The following SAE1 variants were observed in gnomAD, a reference collection of about 807,000 sequenced individuals.
SAE1 encodes the protein SUMO-activating enzyme subunit 1.
A neutral mutation model predicts 40.6 loss-of-function variants in SAE1; 11 were observed. The observed-to-expected ratio is 0.27, with a 90% CI of 0.17 to 0.45. The LOEUF (loss-of-function observed/expected upper bound fraction) is 0.45, where lower values mean the gene tolerates loss of function less well. SAE1 is among the 20% of genes least tolerant of loss of function. SAE1 has a pLI of 1.00. For synonymous variants in SAE1, 155 were observed against 154.3 expected (o/e 1.00, Z -0.03); for missense variants, 373 against 427.3 (o/e 0.87, Z 1.12).
chr19:47,171,692 G>GACCTCAGGTGATCTGCCC (rs1453110669), intron 6 of SAE1, among the ~76,000 whole-genome samples: 1 of 151,534 alleles, frequency 6.6e-6, no homozygotes, highest in African/African-American at 2.4e-5. Context: ...TCGAACTCCT[G>GACCTCAGGTGATCTGCCC]ACCTCAGGTG....
At chr19:47,182,499 GCGCA>G (rs1300606747) in intron 6 of SAE1, among the ~76,000 whole-genome samples, 35 of 148,278 alleles carry the variant, frequency 2.4e-4, no homozygotes, top group African/African-American at 9.1e-4. Flanking sequence ...GTGTGTGTGC[GCGCA>G]CGCACGCGCG....
At chr19:47,194,412 T>A (rs1315762473) in intron 6 of SAE1, among the ~76,000 whole-genome samples, 1 of 152,224 alleles carries the variant, frequency 6.6e-6, no homozygotes, top group Non-Finnish European at 1.5e-5. Context: ...ACCCTTGTCC[T>A]GGTAGAGAGT....
intron 5 of SAE1, among the ~76,000 whole-genome samples, chr19:47,157,375 A>G (rs1358213004): frequency 6.6e-6 from 1 of 152,186 alleles, no homozygotes; most frequent in African/African-American, 2.4e-5. Context: ...GGAGGAGTAC[A>G]AAAGCTGCTT....
intron 5 of SAE1, among the ~76,000 whole-genome samples, chr19:47,169,497 CG>C (rs2058417329): frequency 6.6e-6 from 1 of 152,234 alleles, no homozygotes; most frequent in Non-Finnish European, 1.5e-5. Context: ...CCGCCTGCCT[CG>C]GTCTCCAAAG....
chr19:47,209,105 C>T, intron 8 of SAE1, 54 bp from the exon 9 acceptor site: 28 of 1,567,436 alleles, frequency 1.8e-5, no homozygotes, highest in Admixed American at 9.1e-5. Context: ...TTTTTTTTCC[C>T]TCTATTCCTC....
chr19:47,191,668 C>G (rs2058578627), intron 6 of SAE1, among the ~76,000 whole-genome samples: 1 of 152,150 alleles, frequency 6.6e-6, no homozygotes, highest in Non-Finnish European at 1.5e-5. Flanking sequence ...TACTGGGACA[C>G]AAGCACCAAC....
At chr19:47,198,404 G>A (rs1009448051) in intron 7 of SAE1, among the ~76,000 whole-genome samples, 3 of 151,928 alleles carry the variant, frequency 2.0e-5, no homozygotes, top group South Asian at 2.1e-4. Flanking sequence ...GAGCCACCAC[G>A]CGCTCCATCC....
intron 6 of SAE1, among the ~76,000 whole-genome samples, chr19:47,182,363 A>G (rs756985753): frequency 6.6e-6 from 1 of 152,080 alleles, no homozygotes; most frequent in Non-Finnish European, 1.5e-5. Flanking sequence ...CCACAGGGAA[A>G]TGGGTTCCGA....
At chr19:47,145,225 C>T (rs1464301512) in intron 2 of SAE1, among the ~76,000 whole-genome samples, 1 of 152,166 alleles carries the variant, frequency 6.6e-6, no homozygotes, top group African/African-American at 2.4e-5. Flanking sequence ...TGGTCTTGAA[C>T]TCCGACCTCA....
intron 8 of SAE1, among the ~76,000 whole-genome samples, chr19:47,207,885 C>T (rs2058694203): frequency 1.3e-5 from 2 of 152,156 alleles, no homozygotes; most frequent in Admixed American, 1.3e-4. Context: ...ATTCTCCCGC[C>T]TCGGCCTCCC....
At chr19:47,205,027 A>G (rs950532129) in intron 8 of SAE1, among the ~76,000 whole-genome samples, 2 of 152,176 alleles carry the variant, frequency 1.3e-5, no homozygotes, top group African/African-American at 4.8e-5. Context: ...CTAAAACTAT[A>G]CCATACCCCC....
At chr19:47,198,904 T>C (rs2123314504) in intron 7 of SAE1, among the ~76,000 whole-genome samples, 1 of 152,130 alleles carries the variant, frequency 6.6e-6, no homozygotes, top group East Asian at 1.9e-4. Flanking sequence ...CTTGACAACA[T>C]GGTGAAACCC....
intron 6 of SAE1, among the ~76,000 whole-genome samples, chr19:47,174,211 CTT>C (rs1194063824): frequency 6.6e-6 from 1 of 151,772 alleles, no homozygotes; most frequent in Non-Finnish European, 1.5e-5. Flanking sequence ...AATTATCTGT[CTT>C]TTTCAGTTTT....
At chr19:47,205,854 G>C (rs2058684106) in intron 8 of SAE1, among the ~76,000 whole-genome samples, 1 of 152,212 alleles carries the variant, frequency 6.6e-6, no homozygotes, top group African/African-American at 2.4e-5. Context: ...AGGCTAGTGA[G>C]TGTGGTGCCA....
At chr19:47,171,692 GACCTCAGGTGAT>G (rs2058434529) in intron 6 of SAE1, among the ~76,000 whole-genome samples, 2 of 151,652 alleles carry the variant, frequency 1.3e-5, no homozygotes, top group South Asian at 4.2e-4. Flanking sequence ...TCGAACTCCT[GACCTCAGGTGAT>G]CTGCCCACCT....
intron 2 of SAE1, 25 bp downstream of exon 2, chr19:47,143,630 C>T (rs1186105869): frequency 1.3e-6 from 2 of 1,531,882 alleles, no homozygotes; most frequent in African/African-American, 1.4e-5. Flanking sequence ...GCTCATTCCT[C>T]CCCTGCTCTG....
At position 47,167,784 on chromosome 19, in the gene SAE1, A is replaced by G. The variant is rs112893094; in HGVS notation, c.628-2034A>G. Among the ~76,000 whole-genome samples the G allele has an allele frequency of 7.1e-3, 1,086 of 152,198 alleles. 11 individuals carry two copies. Among genetic ancestry groups the G allele is most frequent in the African/African-American group, 0.025 (1,049 of 41,516 alleles). On this transcript the variant is annotated intron_variant, in intron 5 of 8. Coordinates refer to ENST00000270225, the MANE Select transcript of SAE1 (RefSeq NM_005500.3). Reference sequence around the variant, plus strand: ...CACCACCAACCTTTTTAAAATATAGAGACACAGAGTCTATACCACGCCTGG... The same window carrying G: ...CACCACCAACCTTTTTAAAATATAGGGACACAGAGTCTATACCACGCCTGG...
intron 5 of SAE1, among the ~76,000 whole-genome samples, chr19:47,158,899 G>A (rs1378410197): frequency 6.6e-6 from 1 of 152,216 alleles, no homozygotes; most frequent in African/African-American, 2.4e-5. Flanking sequence ...GAAGTTGCTA[G>A]GGTAACGTGA....
At chr19:47,139,139 A>G (rs776307531) in intron 1 of SAE1, among the ~76,000 whole-genome samples, 3 of 151,870 alleles carry the variant, frequency 2.0e-5, no homozygotes. Context: ...TTGAGTAGAG[A>G]TGGAGTTTCA....
Sources: allele counts gnomAD v4.1 joint callset (sites outside exome capture counted in the v4.1 genomes callset), GRCh38; gene constraint gnomAD v4.1.1; transcripts MANE v1.5; gene names NCBI Gene and HGNC (gene_info 2026-07-23, HGNC 2026-07-21).